RGPD4: variants seen among roughly 807,000 people sequenced by gnomAD.
RGPD4 encodes RANBP2 like and GRIP domain containing 4, also known as ranBP2-like and GRIP domain-containing protein 4.
RGPD4 carries 84 observed loss-of-function variants against 141.1 expected under a neutral mutation model. The ratio of observed to expected loss-of-function variants is 0.60; its 90% CI spans 0.50 to 0.71. The LOEUF is 0.71. RGPD4 is among the 30% of genes least tolerant of loss of function. The pLI is 0.00. For missense variants in RGPD4, 918 were observed against 1,622.4 expected (o/e 0.57, Z 7.46); for synonymous variants, 298 against 566.8 (o/e 0.53, Z 6.74).
chr2:107,851,201 G>T (rs1408506664), intron 7 of RGPD4, among the ~76,000 whole-genome samples: 4 of 70,820 alleles, frequency 5.6e-5, no homozygotes, highest in African/African-American at 1.9e-4. Context: ...CGAACTCCTG[G>T]GCTCAGGTGA....
intron 6 of RGPD4, among the ~76,000 whole-genome samples, chr2:107,844,291 A>G (rs1321733441): frequency 6.6e-6 from 1 of 151,840 alleles, no homozygotes; most frequent in Non-Finnish European, 1.5e-5. Context: ...TTGTATAAAG[A>G]TGTTAGTTTA....
At chr2:107,884,331 A>T (rs557910582) in intron 22 of RGPD4, among the ~76,000 whole-genome samples, 16 of 152,266 alleles carry the variant, frequency 1.1e-4, no homozygotes, top group African/African-American at 3.9e-4. Context: ...CAATCTCCTG[A>T]CCTTGTGATC....
intron 1 of RGPD4, among the ~76,000 whole-genome samples, chr2:107,834,264 G>A (rs1243701202): frequency 1.3e-5 from 2 of 149,510 alleles, no homozygotes; most frequent in Non-Finnish European, 3.0e-5. Context: ...AAATGGAATT[G>A]CTTTCTTAAT....
chr2:107,884,145 C>A (rs546617394), intron 22 of RGPD4, among the ~76,000 whole-genome samples: 1,740 of 151,842 alleles, frequency 0.011, 43 homozygotes, highest in African/African-American at 0.039. Context: ...TAGTGTTGCT[C>A]TGTCACCCTG....
chr2:107,849,460 G>A (rs1309717831), intron 7 of RGPD4, among the ~76,000 whole-genome samples: 18 of 127,954 alleles, frequency 1.4e-4, no homozygotes, highest in African/African-American at 4.7e-4. Context: ...TCCACCTCCC[G>A]AGTTCACGCC....
intron 21 of RGPD4, among the ~76,000 whole-genome samples, chr2:107,882,066 C>G (rs1675382438): frequency 6.6e-6 from 1 of 152,050 alleles, no homozygotes; most frequent in Admixed American, 6.5e-5. Context: ...CATCTTGGTA[C>G]CAACCCATGG....
intron 8 of RGPD4, among the ~76,000 whole-genome samples, chr2:107,855,620 G>A (rs1682280541): frequency 7.0e-6 from 1 of 143,346 alleles, no homozygotes; most frequent in South Asian, 2.3e-4. Flanking sequence ...TAACTCGAAG[G>A]AGGGTTTTTT....
chr2:107,881,325 T>G (rs1675357281), intron 21 of RGPD4, among the ~76,000 whole-genome samples: 1 of 146,712 alleles, frequency 6.8e-6, no homozygotes, highest in African/African-American at 2.6e-5. Context: ...TGTTATATTT[T>G]CTTTTTTTTT....
Position 107,859,529 on chromosome 2 carries a change from T to G in RGPD4, c.1609T>G (p.Cys537Gly). ...ACAAAAATCTTGGTGGGATGCGGTT[T>G]GTACTCTGATTCACAGAAAAGCAGT... is the stretch of plus-strand genomic sequence containing the variant. Reference protein sequence around the residue: ...ERQKSWWDAVCTLIHRKAVPG... With the variant: ...ERQKSWWDAVGTLIHRKAVPG... Residue 537 changes from cysteine to glycine, a missense_variant, in exon 11 of 23, where the codon TGT becomes GGT. Coordinates refer to ENST00000408999, the MANE Select transcript of RGPD4 (RefSeq NM_182588.3). The G allele has an allele frequency of 1.2e-6, 2 of 1,611,472 alleles. No individual in the cohort carries two copies. Among genetic ancestry groups the G allele is most frequent in the Non-Finnish European group, 8.5e-7 (1 of 1,179,824 alleles).
chr2:107,867,236 G>A (rs1383367197), intron 18 of RGPD4, among the ~76,000 whole-genome samples: 2 of 151,370 alleles, frequency 1.3e-5, no homozygotes, highest in Non-Finnish European at 1.5e-5. Flanking sequence ...TTTTATGTAC[G>A]ACAGACTTCT....
intron 1 of RGPD4, among the ~76,000 whole-genome samples, chr2:107,829,887 A>T (rs977083519): frequency 6.6e-6 from 1 of 150,944 alleles, no homozygotes; most frequent in Non-Finnish European, 1.5e-5. Context: ...TCTCCTGGAC[A>T]TTTACTTTAT....
intron 9 of RGPD4, among the ~76,000 whole-genome samples, chr2:107,858,491 C>T (rs1296366420): frequency 1.2e-4 from 18 of 148,194 alleles, no homozygotes; most frequent in Admixed American, 6.1e-4. Context: ...CAGGCTGGAG[C>T]ACAGTGGCGC....
Position 107,880,064 on chromosome 2 carries a change from G to A in RGPD4, c.5021G>A (p.Arg1674Gln), listed in dbSNP as rs560486293. Residue 1674 changes from arginine to glutamine, a missense_variant, in exon 21 of 23, where the codon CGG becomes CAG. Transcript: ENST00000408999. ...GCAGATCACTTAAACGGCCTGCTTC[G>A]GGAAGCAGAGGCAACCAGTGCAGTC... Reference protein sequence around the residue: ...KSADHLNGLLREAEATSAVLM... With the variant: ...KSADHLNGLLQEAEATSAVLM... The A allele has an allele frequency of 2.7e-5, 44 of 1,611,344 alleles. No homozygotes were observed. In the Middle Eastern group the frequency reaches 6.8e-4, roughly 25 times the overall value.
chr2:107,854,116 A>G (rs2433695), intron 7 of RGPD4, among the ~76,000 whole-genome samples: 2 of 120,820 alleles, frequency 1.7e-5, no homozygotes, highest in African/African-American at 7.1e-5. Context: ...GTGCAATGGC[A>G]CAGTCTCGGC....
At chr2:107,846,013 G>T in intron 6 of RGPD4, among the ~76,000 whole-genome samples, 1 of 115,018 alleles carries the variant, frequency 8.7e-6, no homozygotes. Context: ...TGCAAGCTGT[G>T]TCTCCAGGGT....
At position 107,871,829 on chromosome 2, in the gene RGPD4, T is replaced by C. The variant is rs779697792; in HGVS notation, c.3825T>C (p.Ser1275=). Residue 1275 remains serine (S), a synonymous_variant, in exon 20 of 23, where the codon AGT becomes AGC. Transcript: ENST00000408999. ...CAGTACATGCTTCTCCATTGGCAAGTAGCCCTGTGAGAAAAAATCTTTTCC... is the reference window on the plus strand; with the variant it reads ...CAGTACATGCTTCTCCATTGGCAAGCAGCCCTGTGAGAAAAAATCTTTTCC... ...SSSVHASPLA[S]SPVRKNLFHF... The C allele has an allele frequency of 3.7e-6, 6 of 1,611,512 alleles. No individual in the cohort carries two copies. In the African/African-American group the frequency reaches 8.1e-5, roughly 22 times the overall value.
intron 22 of RGPD4, among the ~76,000 whole-genome samples, chr2:107,885,064 T>A (rs1675473710): frequency 6.6e-6 from 1 of 152,172 alleles, no homozygotes; most frequent in Non-Finnish European, 1.5e-5. Flanking sequence ...ACAGGATAGG[T>A]TTCTATAGCC....
rs1372268927 is a variant in RGPD4 at position 107,831,853 on chromosome 2, G to A, written c.73-4749G>A. ...CCCAAAGTGCCGGGATTACAGGCGT[G>A]AGCCACCGGGCCGGGCCCCATTTTA... On this transcript the variant is annotated intron_variant, in intron 1 of 22. Coordinates refer to ENST00000408999, the MANE Select transcript of RGPD4 (RefSeq NM_182588.3). Among the ~76,000 whole-genome samples the A allele has an allele frequency of 2.4e-3, 318 of 135,264 alleles. 2 individuals carry two copies. The highest frequency in any genetic ancestry group is 7.9e-3 in the African/African-American group (273 of 34,740). The allele number at this position is 135,264 out of a possible 152,430, so 88.7% of individuals were successfully genotyped here. A position where few individuals can be genotyped will look rare whatever the true frequency, so the allele number is the denominator to read the frequency against.
chr2:107,847,677 T>A (rs554892944), intron 6 of RGPD4, among the ~76,000 whole-genome samples: 1 of 53,236 alleles, frequency 1.9e-5, no homozygotes, highest in Non-Finnish European at 3.8e-5. Flanking sequence ...AAAAAAAGTT[T>A]ATCGGGGCAT....
Sources: gnomAD v4.1 joint callset for allele counts (sites outside exome capture counted in the v4.1 genomes callset) on GRCh38, gnomAD v4.1.1 for gene constraint, MANE v1.5 for transcripts, NCBI Gene and HGNC (gene_info 2026-07-23, HGNC 2026-07-21) for gene names.